CLBA1: variants seen among roughly 807,000 people sequenced by gnomAD.
CLBA1 encodes the protein uncharacterized protein CLBA1.
Under a neutral mutation model 28.8 loss-of-function variants are expected in CLBA1, and 30 were observed. The observed-to-expected ratio is 1.04, with a 90% CI of 0.78 to 1.41. The LOEUF is 1.41. CLBA1 is among the 40% of genes most tolerant of loss of function. The probability of loss-of-function intolerance (pLI) is 0.00; values close to 1 mark genes in which losing one functional copy is unlikely to be tolerated. For synonymous variants in CLBA1, 160 were observed against 152.8 expected, an observed-to-expected ratio of 1.05 and a Z score of -0.35; for missense variants, 451 against 412.3, an observed-to-expected ratio of 1.09 and a Z score of -0.81.
chr14:104,986,802 C>A lies in CLBA1; in HGVS notation c.371C>A (p.Pro124Gln), dbSNP rs1481245206. ...SAPKECSSHQPCQGGPWVTGT... is the reference protein window; with the variant it reads ...SAPKECSSHQQCQGGPWVTGT... ...CCAAAAGAGTGCAGTTCTCACCAACCATGCCAGGGTGGACCTTGGGTGACA... is the reference window on the plus strand; with the variant it reads ...CCAAAAGAGTGCAGTTCTCACCAACAATGCCAGGGTGGACCTTGGGTGACA... The change falls in exon 1 of 5, where the codon CCA becomes CAA. Residue 124 changes from proline to glutamine, a missense_variant. Physicochemically the swap from Pro to Gln is moderately conservative, Grantham distance 76 (BLOSUM62 -1). Coordinates refer to ENST00000547315, the MANE Select transcript of CLBA1 (RefSeq NM_174891.4). 2 of 1,613,792 alleles carry A rather than the reference C, an allele frequency of 1.2e-6. No homozygotes were observed. The highest frequency in any genetic ancestry group is 1.1e-5 in the South Asian group (1 of 91,084).
chr14:104,998,428 AG>A, downstream of CLBA1, among the ~76,000 whole-genome samples: 1 of 151,470 alleles, frequency 6.6e-6, no homozygotes, highest in South Asian at 2.1e-4. Flanking sequence ...AAAAAAAAAA[AG>A]AATTAAGTAG....
downstream of CLBA1, among the ~76,000 whole-genome samples, chr14:104,996,819 G>T (rs539801453): frequency 3.3e-5 from 5 of 152,234 alleles, no homozygotes; most frequent in Non-Finnish European, 5.9e-5. Context: ...CCCTCAGGGC[G>T]TCTGAAGGCC....
intron 2 of CLBA1, 169 bp downstream of exon 2, chr14:104,989,257 G>A (rs950292467): frequency 6.7e-5 from 43 of 641,878 alleles, no homozygotes; most frequent in Non-Finnish European, 8.7e-5. Flanking sequence ...CACGATTGGC[G>A]CTCCAGCTGT....
chr14:104,997,949 C>T (rs369096681), downstream of CLBA1, among the ~76,000 whole-genome samples: 280 of 152,066 alleles, frequency 1.8e-3, 2 homozygotes, highest in African/African-American at 6.3e-3. Context: ...GGGAAGGTTG[C>T]AGTGAGCCGA....
Position 104,985,875 on chromosome 14 carries a change from CA to C in CLBA1, c.-555del. 1 of 252,726 alleles carries C rather than the reference CA, an allele frequency of 4.0e-6. No individual in the cohort carries two copies. Among genetic ancestry groups the C allele is most frequent in the Non-Finnish European group, 8.3e-6 (1 of 120,462 alleles). 15.7% of individuals were successfully genotyped at this position (252,726 alleles called of 1,614,324 possible). On this transcript the variant is annotated 5_prime_UTR_variant, in exon 1 of 5. Coordinates refer to ENST00000547315, the MANE Select transcript of CLBA1 (RefSeq NM_174891.4). ...CGCGCGGCCCCGCCGAGGCGGCGAC[CA>C]AGGTGGGTGCGGGGACTCTCGGGAG...
At chr14:104,991,461 C>A in intron 2 of CLBA1, 30 bp from the exon 3 acceptor site, 1 of 1,612,692 alleles carries the variant, frequency 6.2e-7, no homozygotes, top group South Asian at 1.1e-5. Context: ...CTCTCAAGGT[C>A]ACCTTTTAAC....
At chr14:104,987,606 C>CTTTTTTTT (rs869117577) in intron 1 of CLBA1, among the ~76,000 whole-genome samples, 821 of 60,020 alleles carry the variant, frequency 0.014, 122 homozygotes, top group Middle Eastern at 0.045. Flanking sequence ...TCTTCCTTTT[C>CTTTTTTTT]TTTTTTTTTT....
chr14:104,995,809 A>G (rs1595446427), downstream of CLBA1, among the ~76,000 whole-genome samples: 1 of 152,220 alleles, frequency 6.6e-6, no homozygotes, highest in South Asian at 2.1e-4. Flanking sequence ...TGTGATGAGG[A>G]GAATTCCTTT....
rs184621696 is a variant in CLBA1 at position 104,986,619 on chromosome 14, C to G, written c.188C>G (p.Thr63Ser). Residue 63 changes from threonine (T) to serine (S), a missense_variant, in exon 1 of 5, where the codon ACC becomes AGC. Thr to Ser is a moderately conservative substitution (Grantham distance 58, BLOSUM62 1). Coordinates refer to ENST00000547315, the MANE Select transcript of CLBA1 (RefSeq NM_174891.4). Reference protein sequence around the residue: ...SISMPREGGSTCTARCPDPGE... With the variant: ...SISMPREGGSSCTARCPDPGE... ...TCCATGCCCCGTGAGGGCGGTTCCA[C>G]CTGCACTGCCCGATGTCCTGACCCT... is the stretch of plus-strand genomic sequence containing the variant. 3,717 of 1,614,134 alleles carry G rather than the reference C, an allele frequency of 2.3e-3. 6 individuals are homozygous for G. Among genetic ancestry groups the G allele is most frequent in the Non-Finnish European group, 2.8e-3 (3,355 of 1,180,036 alleles).
rs557411333 is a variant in CLBA1 at position 104,991,376 on chromosome 14, G to A, written c.570-115G>A. The A allele has an allele frequency of 1.0e-5, 13 of 1,279,406 alleles. No homozygotes were observed. In the East Asian group the frequency reaches 1.2e-4, roughly 12 times the overall value. 79.3% of individuals were successfully genotyped at this position (1,279,406 alleles called of 1,614,324 possible). ...CAGCCATACGCCTCTTGGCTTGTGC[G>A]CGTCTCGGCTTGCGGGTAAAGGCCA... On this transcript the variant is annotated intron_variant, in intron 2 of 4. Coordinates refer to ENST00000547315, the MANE Select transcript of CLBA1 (RefSeq NM_174891.4).
intron 2 of CLBA1, chr14:104,989,458 G>A (rs769679991): frequency 1.3e-5 from 5 of 399,748 alleles, no homozygotes; most frequent in Admixed American, 2.8e-5. Flanking sequence ...TGGCTGAGTG[G>A]GCACCGGCTG....
intron 3 of CLBA1, 35 bp downstream of exon 3, chr14:104,991,655 G>T: frequency 7.0e-6 from 11 of 1,578,214 alleles, no homozygotes; most frequent in Non-Finnish European, 9.5e-6. Flanking sequence ...GCTCCTGGGA[G>T]TGTGGTTGAA....
chr14:104,986,318 C>T lies in CLBA1; in HGVS notation c.-114C>T, dbSNP rs1447455173. 2.6e-6 allele frequency: 3 copies of T among 1,165,694 alleles called. No individual in the cohort carries two copies. Among genetic ancestry groups the T allele is most frequent in the South Asian group, 1.5e-5 (1 of 66,488 alleles). 72.2% of individuals were successfully genotyped at this position (1,165,694 alleles called of 1,614,324 possible). ...AGCCCGGGGCACTCCTGCAGCGTCC[C>T]CTGGCCCTCTCCAGGGCAGGGGAAG... On this transcript the variant is annotated 5_prime_UTR_variant, in exon 1 of 5. Transcript: ENST00000547315.
intron 2 of CLBA1, 198 bp downstream of exon 2, chr14:104,989,286 C>G: frequency 1.8e-6 from 1 of 564,820 alleles, no homozygotes; most frequent in South Asian, 2.1e-5. Context: ...ACTCTGAGCC[C>G]TATTCATCCT....
At chr14:104,992,675 G>A (rs1254004783) in intron 3 of CLBA1, among the ~76,000 whole-genome samples, 1 of 152,242 alleles carries the variant, frequency 6.6e-6, no homozygotes, top group Admixed American at 6.5e-5. Flanking sequence ...AGTGGCGGCA[G>A]CCTGAAGGGT....
At position 104,986,158 on chromosome 14, in the gene CLBA1, G is replaced by C. The variant is rs1204559621; in HGVS notation, c.-274G>C. ...CCCTCTCACACCTGCCGTGGGTCTG[G>C]TACGCGCCTCTGTGTCGGACTCCGC... On this transcript the variant is annotated 5_prime_UTR_variant, in exon 1 of 5. Coordinates refer to ENST00000547315, the MANE Select transcript of CLBA1 (RefSeq NM_174891.4). 1.9e-6 allele frequency: 1 copy of C among 521,008 alleles called. No homozygotes were observed. The highest frequency in any genetic ancestry group is 1.9e-5 in the African/African-American group (1 of 52,324). 32.3% of individuals were successfully genotyped at this position (521,008 alleles called of 1,614,324 possible). A position where few individuals can be genotyped will look rare whatever the true frequency, so the allele number is the denominator to read the frequency against.
Position 104,992,963 on chromosome 14 carries a change from C to T in CLBA1, c.715C>T (p.Gln239Ter), listed in dbSNP as rs374333558. The change falls in exon 4 of 5, where the codon CAG becomes TAG. Residue 239 changes from glutamine to a stop codon, truncating the protein, a stop_gained. Transcript: ENST00000547315. LOFTEE classifies it high-confidence loss of function. ...GTCTCCTTAGAACCTTTCTGGAGGC[C>T]AGGGCCACATCATGGAAGATTGTGA... ...DAAQKNLSGG[Q>*]GHIMEDCDLK... The T allele has an allele frequency of 3.1e-6, 5 of 1,613,944 alleles. No homozygotes were observed. Among genetic ancestry groups the T allele is most frequent in the Non-Finnish European group, 4.2e-6 (5 of 1,179,864 alleles).
chr14:104,995,330 C>T lies in CLBA1; in HGVS notation c.*571C>T, dbSNP rs1900138089. 5.1e-6 allele frequency: 5 copies of T among 985,488 alleles called. No individual in the cohort carries two copies. The highest frequency in any genetic ancestry group is 5.2e-4 in the Middle Eastern group (1 of 1,914). The allele number at this position is 985,488 out of a possible 1,614,324, so 61.0% of individuals were successfully genotyped here. A position where few individuals can be genotyped will look rare whatever the true frequency, so the allele number is the denominator to read the frequency against. ...ACTGCCTGGGCCCCTGCCCAGCAGC[C>T]TCAAGGACAGGCCTTTGTCCCTCAC... On this transcript the variant is annotated 3_prime_UTR_variant, in exon 5 of 5. Transcript: ENST00000547315.
At position 104,994,602 on chromosome 14, in the gene CLBA1, C is replaced by T. The variant is rs751328833; in HGVS notation, c.821C>T (p.Ser274Leu). The change falls in exon 5 of 5, where the codon TCG becomes TTG. Residue 274 changes from serine (S) to leucine (L), a missense_variant. Coordinates refer to ENST00000547315, the MANE Select transcript of CLBA1 (RefSeq NM_174891.4). ...ACTGCTGTCCTCTCATCTCAGCTCTCGGGGCCGCCTGGCAGCAAACAGGGG... is the reference window on the plus strand; with the variant it reads ...ACTGCTGTCCTCTCATCTCAGCTCTTGGGGCCGCCTGGCAGCAAACAGGGG... The part of the protein sequence containing the change: ...HCKALIQTKL[S>L]GPPGSKQGRL... 27 of 1,606,518 alleles carry T rather than the reference C, an allele frequency of 1.7e-5. No individual in the cohort carries two copies. The highest frequency in any genetic ancestry group is 2.1e-5 in the Non-Finnish European group (25 of 1,179,006).
Sources: gnomAD v4.1 joint callset for allele counts (sites outside exome capture counted in the v4.1 genomes callset) on GRCh38, gnomAD v4.1.1 for gene constraint, MANE v1.5 for transcripts, NCBI Gene and HGNC (gene_info 2026-07-23, HGNC 2026-07-21) for gene names.